Variants in ZNF398 observed in about 807,000 individuals in gnomAD.
ZNF398 encodes the protein zinc finger protein 398.
A neutral mutation model predicts 41.9 loss-of-function variants in ZNF398; 18 were observed. The observed-to-expected ratio is 0.43, with a 90% CI of 0.30 to 0.64. The LOEUF is 0.64. Among genes scored for constraint, ZNF398 ranks in the 30% least tolerant of loss-of-function variants. ZNF398 has a pLI of 0.14. For missense variants in ZNF398, 669 were observed against 822.8 expected (o/e 0.81, Z 2.29); for synonymous variants, 260 against 308.8 (o/e 0.84, Z 1.66).
At chr7:149,161,738 G>A (rs1022945866) in intron 2 of ZNF398, among the ~76,000 whole-genome samples, 2 of 150,406 alleles carry the variant, frequency 1.3e-5, no homozygotes, top group African/African-American at 4.9e-5. Flanking sequence ...GCTCCTGCTT[G>A]AAGAACTAAG....
At position 149,170,667 on chromosome 7, in the gene ZNF398, G is replaced by A. The variant is rs144183771; in HGVS notation, c.661+3737G>A. Among the ~76,000 whole-genome samples the A allele has an allele frequency of 1.2e-3, 179 of 151,890 alleles. 3 individuals carry two copies. The East Asian group carries it at 0.032, about 27-fold the overall frequency. On this transcript the variant is annotated intron_variant, in intron 4 of 5. Coordinates refer to ENST00000475153, the MANE Select transcript of ZNF398 (RefSeq NM_170686.3). The stretch of plus-strand genomic sequence containing the variant: ...GGAGAATTGCTTGAACCCAGGATGC[G>A]GAGGTTGCAGTGAGCCGAGATTACA...
chr7:149,176,348 AAAG>A (rs1795460537), intron 4 of ZNF398, 117 bp from the exon 5 acceptor site: 3 of 726,338 alleles, frequency 4.1e-6, no homozygotes. Context: ...TGTCTCAAAA[AAAG>A]AAAAAAAGAA....
In ZNF398 at chr7:149,139,462, C is replaced by T. The variant is rs568680328; in HGVS notation, c.-490+10518C>T. Among the ~76,000 whole-genome samples the T allele has an allele frequency of 8.5e-4, 130 of 152,262 alleles. 1 individual carries two copies. Among genetic ancestry groups the T allele is most frequent in the Non-Finnish European group, 1.5e-3 (100 of 68,020 alleles). On this transcript the variant is annotated intron_variant, in intron 2 of 6. Transcript: ENST00000426851. ...GATGTGCCGGGCGCGGTGGCTCACA[C>T]CTGTAATCCCAGCACTTTGGGAGGC...
At chr7:149,144,400 T>C (rs1826889668), upstream of ZNF398, among the ~76,000 whole-genome samples, 1 of 152,080 alleles carries the variant, frequency 6.6e-6, no homozygotes, top group African/African-American at 2.4e-5. Context: ...AGCTTCAACC[T>C]CCCTGGCTCA....
intron 3 of ZNF398, 143 bp from the exon 4 acceptor site, chr7:149,166,674 G>A: frequency 1.7e-6 from 1 of 605,442 alleles, no homozygotes; most frequent in Non-Finnish European, 2.9e-6. Context: ...GCTGAAGATG[G>A]ATAGATGGGA....
chr7:149,131,797 C>T lies in ZNF398; in HGVS notation c.-490+2853C>T, dbSNP rs1223210712. Among the ~76,000 whole-genome samples the T allele has an allele frequency of 3.9e-5, 6 of 152,280 alleles. No homozygotes were observed. In the East Asian group the frequency reaches 1.2e-3, roughly 29 times the overall value. ...AAAATATATATTTTACTTAGCATTT[C>T]TATTGAATTTGAAGTAGCGGGGAGG... On this transcript the variant is annotated intron_variant, in intron 2 of 6. Coordinates refer to the ZNF398 transcript ENST00000426851.
intron 4 of ZNF398, among the ~76,000 whole-genome samples, chr7:149,167,546 A>G (rs1260476802): frequency 6.6e-6 from 1 of 152,148 alleles, no homozygotes; most frequent in African/African-American, 2.4e-5. Context: ...AAGCACACAG[A>G]AAGTTGATCC....
chr7:149,173,520 C>G (rs545902971), intron 4 of ZNF398, among the ~76,000 whole-genome samples: 2 of 152,064 alleles, frequency 1.3e-5, no homozygotes, highest in African/African-American at 4.8e-5. Flanking sequence ...AAAAATTACT[C>G]CTTGATCTGC....
At chr7:149,140,753 TC>T (rs1220896757) in intron 2 of ZNF398, among the ~76,000 whole-genome samples, 1 of 151,654 alleles carries the variant, frequency 6.6e-6, no homozygotes, top group African/African-American at 2.4e-5. Context: ...AAAAAAAAGA[TC>T]CCTGGCTGTG....
At chr7:149,166,115 G>A (rs1382217028) in intron 2 of ZNF398, 43 bp from the exon 3 acceptor site, 1 of 1,557,610 alleles carries the variant, frequency 6.4e-7, no homozygotes, top group African/African-American at 1.4e-5. Context: ...TTGAATGACT[G>A]AATTATAATG....
chr7:149,134,352 A>G (rs529950663), intron 2 of ZNF398, among the ~76,000 whole-genome samples: 29 of 151,476 alleles, frequency 1.9e-4, no homozygotes, highest in South Asian at 1.5e-3. Flanking sequence ...CGGCCTCCCA[A>G]AGTGCTAGGA....
rs763697540 is a variant in ZNF398, at chr7:149,178,087, C to G, written c.776-561C>G. 3.3e-5 allele frequency among the ~76,000 whole-genome samples: 5 copies of G among 152,088 alleles called. No individual in the cohort carries two copies. In the East Asian group the frequency reaches 9.6e-4, roughly 29 times the overall value. ...TGGGTGGACCATGAGGTCAGGAGAT[C>G]GAGACCATCCTGGCTAACACAGTGA... On this transcript the variant is annotated intron_variant, in intron 5 of 5. Transcript: ENST00000475153.
Position 149,165,079 on chromosome 7 carries a change from C to T in ZNF398, c.421-1079C>T, listed in dbSNP as rs377193792. Among the ~76,000 whole-genome samples the T allele has an allele frequency of 8.8e-5, 13 of 146,962 alleles. No homozygotes were observed. The East Asian group carries it at 2.4e-3, about 27-fold the overall frequency. On this transcript the variant is annotated intron_variant, in intron 2 of 5. Coordinates refer to ENST00000475153, the MANE Select transcript of ZNF398 (RefSeq NM_170686.3). ...ACTGCACTCCAGCCTGGGTGTACAG[C>T]GAGACTCTGTCTCTAAAAAAAAAAA...
At position 149,182,943 on chromosome 7, in the gene ZNF398, G is replaced by A. The variant is rs1202462; in HGVS notation, c.*3142G>A. ...GGCTTCTCTTGAGCATATCTGAGAAGTGATGTTCATGTCTATCTCAACCAG... is the reference window on the plus strand; with the variant it reads ...GGCTTCTCTTGAGCATATCTGAGAAATGATGTTCATGTCTATCTCAACCAG... On this transcript the variant is annotated 3_prime_UTR_variant, in exon 6 of 6. Transcript: ENST00000475153. The A allele has an allele frequency of 0.86, 130,332 of 151,286 alleles. 56,280 individuals carry two copies. The highest frequency in any genetic ancestry group is 0.96 in the Middle Eastern group (281 of 294). 9.4% of individuals were successfully genotyped at this position (151,286 alleles called of 1,614,324 possible).
In ZNF398 at chr7:149,176,467, G is replaced by C; in HGVS notation, c.662-1G>C. On this transcript the variant is annotated splice_acceptor_variant, in intron 4 of 5. Coordinates refer to ENST00000475153, the MANE Select transcript of ZNF398 (RefSeq NM_170686.3). LOFTEE classifies it high-confidence loss of function. ...CATTTTTTTTTCCTCCCACAAATTA[G>C]AGCCTGGTATTTCAACATCAGATAT... 1 of 1,611,306 alleles carries C rather than the reference G, an allele frequency of 6.2e-7. No homozygotes were observed. The highest frequency in any genetic ancestry group is 8.5e-7 in the Non-Finnish European group (1 of 1,177,662).
chr7:149,159,438 G>C (rs1795053506), intron 2 of ZNF398, among the ~76,000 whole-genome samples: 1 of 151,766 alleles, frequency 6.6e-6, no homozygotes, highest in African/African-American at 2.4e-5. Flanking sequence ...ATGAGGTCAA[G>C]AGATCGAGAC....
In ZNF398 at chr7:149,134,239, G is replaced by GT. The variant is rs1563153011; in HGVS notation, c.-490+5302dup. Among the ~76,000 whole-genome samples, 3 of 150,760 alleles carry GT rather than the reference G, an allele frequency of 2.0e-5. No homozygotes were observed. The South Asian group carries it at 6.3e-4, about 32-fold the overall frequency. The stretch of plus-strand genomic sequence containing the variant: ...GCCACCACGCCCAGCTAATTTTTTT[G>GT]TTTTTTTGTTTTTTTTGGATTTTTA... On this transcript the variant is annotated intron_variant, in intron 2 of 6. Coordinates refer to the ZNF398 transcript ENST00000426851.
intron 2 of ZNF398, among the ~76,000 whole-genome samples, chr7:149,163,531 C>A (rs1024738228): frequency 1.2e-4 from 19 of 152,124 alleles, no homozygotes; most frequent in African/African-American, 4.1e-4. Flanking sequence ...TGCCACCACG[C>A]CCCTGGCTAA....
At chr7:149,143,747 G>C (rs947444500), upstream of ZNF398, among the ~76,000 whole-genome samples, 1 of 152,160 alleles carries the variant, frequency 6.6e-6, no homozygotes, top group Admixed American at 6.6e-5. Flanking sequence ...GGGAGGCAGA[G>C]GTTCCAGTGA....
Sources: gnomAD v4.1 joint callset for allele counts (sites outside exome capture counted in the v4.1 genomes callset) on GRCh38, gnomAD v4.1.1 for gene constraint, MANE v1.5 for transcripts, NCBI Gene and HGNC (gene_info 2026-07-23, HGNC 2026-07-21) for gene names.